DAB1: variants seen among roughly 807,000 people sequenced by gnomAD.
DAB1 encodes DAB adaptor protein 1.
A neutral mutation model predicts 64.6 loss-of-function variants in DAB1; 15 were observed. The observed-to-expected ratio is 0.23, with a 90% CI of 0.16 to 0.36. The LOEUF is 0.36. Ranked by LOEUF, DAB1 falls within the 10% of genes least tolerant of loss-of-function variation. The probability of loss-of-function intolerance (pLI) is 1.00; values close to 1 mark genes in which losing one functional copy is unlikely to be tolerated. For synonymous variants in DAB1, 235 were observed against 251.9 expected, an observed-to-expected ratio of 0.93 and a Z score of 0.64; for missense variants, 596 against 706.7, an observed-to-expected ratio of 0.84 and a Z score of 1.78.
At chr1:57,280,166 G>A (rs1272996855) in intron 2 of DAB1, among the ~76,000 whole-genome samples, 4 of 152,178 alleles carry the variant, frequency 2.6e-5, no homozygotes, top group Non-Finnish European at 5.9e-5. Context: ...TACACAGAAT[G>A]AGAATACTTG....
intron 5 of DAB1, among the ~76,000 whole-genome samples, chr1:58,092,647 C>T (rs111544693): frequency 5.7e-4 from 86 of 152,064 alleles, no homozygotes; most frequent in Non-Finnish European, 9.0e-4. Flanking sequence ...AGAGAGTGGC[C>T]GTAACTAAAA....
At chr1:58,494,048 T>C (rs1168252741) in intron 3 of DAB1, among the ~76,000 whole-genome samples, 1 of 152,072 alleles carries the variant, frequency 6.6e-6, no homozygotes, top group Non-Finnish European at 1.5e-5. Flanking sequence ...CAAAACAGCA[T>C]GGTACTGGTA....
chr1:57,599,338 A>G (rs1459665169), intron 7 of DAB1, among the ~76,000 whole-genome samples: 1 of 152,058 alleles, frequency 6.6e-6, no homozygotes, highest in African/African-American at 2.4e-5. Flanking sequence ...ACCCTCTGTT[A>G]GAGAAAAAAA....
chr1:58,408,462 G>A (rs1026074767), intron 3 of DAB1, among the ~76,000 whole-genome samples: 6 of 152,094 alleles, frequency 3.9e-5, no homozygotes, highest in Non-Finnish European at 8.8e-5. Flanking sequence ...CTGATACAAC[G>A]TAAGCTCCAC....
At chr1:57,833,217 A>G (rs1450422498) in intron 1 of DAB1, among the ~76,000 whole-genome samples, 1 of 152,194 alleles carries the variant, frequency 6.6e-6, no homozygotes, top group African/African-American at 2.4e-5. Context: ...AAAAGAGAAC[A>G]GATTAAACTT....
At chr1:57,306,086 T>A (rs1440776717) in intron 1 of DAB1, among the ~76,000 whole-genome samples, 3 of 152,092 alleles carry the variant, frequency 2.0e-5, no homozygotes, top group African/African-American at 7.2e-5. Context: ...TTCTTTACAA[T>A]CTGGGAAGGT....
At chr1:57,522,166 GCA>G (rs1644535717) in intron 7 of DAB1, among the ~76,000 whole-genome samples, 1 of 152,064 alleles carries the variant, frequency 6.6e-6, no homozygotes, top group Non-Finnish European at 1.5e-5. Flanking sequence ...GTATTTGGAG[GCA>G]CTAGATTCCA....
chr1:57,303,805 G>A (rs990863234), intron 1 of DAB1, among the ~76,000 whole-genome samples: 1 of 152,140 alleles, frequency 6.6e-6, no homozygotes, highest in African/African-American at 2.4e-5. Context: ...AATCCCAAGA[G>A]ATACCCAGGA....
At chr1:58,003,545 T>C (rs1646537095) in intron 5 of DAB1, among the ~76,000 whole-genome samples, 1 of 152,238 alleles carries the variant, frequency 6.6e-6, no homozygotes, top group Admixed American at 6.5e-5. Context: ...TTAGGACCCC[T>C]TTATTACATA....
intron 7 of DAB1, among the ~76,000 whole-genome samples, chr1:57,615,538 C>G (rs1159366852): frequency 1.3e-5 from 2 of 152,164 alleles, no homozygotes; most frequent in Non-Finnish European, 2.9e-5. Flanking sequence ...AGACTTCTCT[C>G]TTATTTAAAC....
intron 5 of DAB1, among the ~76,000 whole-genome samples, chr1:58,089,903 G>A (rs112219125): frequency 0.011 from 1,652 of 152,294 alleles, 27 homozygotes; most frequent in African/African-American, 0.036. Flanking sequence ...TTAGCCAAAT[G>A]AAAATTTGCA....
At chr1:57,417,936 A>G (rs1684611186) in intron 1 of DAB1, among the ~76,000 whole-genome samples, 1 of 152,178 alleles carries the variant, frequency 6.6e-6, no homozygotes, top group Non-Finnish European at 1.5e-5. Context: ...TTCAAGACCT[A>G]GGTGAAATGA....
intron 1 of DAB1, among the ~76,000 whole-genome samples, chr1:57,833,913 TG>T (rs1652698322): frequency 6.6e-6 from 1 of 152,202 alleles, no homozygotes; most frequent in Non-Finnish European, 1.5e-5. Flanking sequence ...CTGATGTGCT[TG>T]AAAGTATCAT....
chr1:58,366,709 A>C (rs2100530760), intron 3 of DAB1, among the ~76,000 whole-genome samples: 1 of 152,322 alleles, frequency 6.6e-6, no homozygotes, highest in East Asian at 1.9e-4. Flanking sequence ...ATGCAGCAAA[A>C]ATACAAAAGT....
At chr1:57,035,833 CTTTTTTTTTTT>C (rs35389635) in intron 9 of DAB1, among the ~76,000 whole-genome samples, 976 of 61,954 alleles carry the variant, frequency 0.016, 13 homozygotes, top group African/African-American at 0.06. Flanking sequence ...CGCACATGCA[CTTTTTTTTTTT>C]TTTTTTTTTT....
rs528363522 is a variant in DAB1, at chr1:57,483,498, A to G, written n.625+166094T>C. Reference sequence around the variant, plus strand: ...GCCTCCCCAGCTATGTGCAACTGTGAGTCCATTAAACCTCTTTTTCTTTAT... The same window carrying G: ...GCCTCCCCAGCTATGTGCAACTGTGGGTCCATTAAACCTCTTTTTCTTTAT... On this transcript the variant is annotated intron_variant and non_coding_transcript_variant, in intron 7 of 20. Transcript: ENST00000485760. 3.3e-5 allele frequency among the ~76,000 whole-genome samples: 5 copies of G among 152,288 alleles called. No individual in the cohort carries two copies. The South Asian group carries it at 1.0e-3, about 32-fold the overall frequency.
chr1:57,550,938 T>C lies in DAB1; in HGVS notation n.625+98654A>G, dbSNP rs367991240. ...CTAGGTACTTATATACAGTAATTAG[T>C]TCATAGAATGTTTAGAAACAACCTT... is the stretch of plus-strand genomic sequence containing the variant. On this transcript the variant is annotated intron_variant and non_coding_transcript_variant, in intron 7 of 20. Coordinates refer to the DAB1 transcript ENST00000485760. Among the ~76,000 whole-genome samples the C allele has an allele frequency of 1.4e-3, 211 of 152,312 alleles. 1 individual carries two copies. Among genetic ancestry groups the C allele is most frequent in the African/African-American group, 4.7e-3 (195 of 41,568 alleles).
intron 2 of DAB1, among the ~76,000 whole-genome samples, chr1:57,221,670 T>G (rs941331770): frequency 2.4e-4 from 37 of 152,298 alleles, no homozygotes; most frequent in African/African-American, 8.7e-4. Flanking sequence ...ATGAGGATAC[T>G]CAGTCTGTAC....
intron 2 of DAB1, among the ~76,000 whole-genome samples, chr1:57,255,440 C>T (rs1669688911): frequency 6.6e-6 from 1 of 152,066 alleles, no homozygotes; most frequent in Non-Finnish European, 1.5e-5. Flanking sequence ...GGCAGGCAGA[C>T]TGCTTGAGCC....
Sources: allele counts gnomAD v4.1 joint callset (sites outside exome capture counted in the v4.1 genomes callset), GRCh38; gene constraint gnomAD v4.1.1; transcripts MANE v1.5; gene names NCBI Gene and HGNC (gene_info 2026-07-23, HGNC 2026-07-21).